The following DTWD1 variants were observed in gnomAD, a reference collection of about 807,000 sequenced individuals.
DTWD1 encodes the protein tRNA-uridine aminocarboxypropyltransferase 1.
In DTWD1, 27 loss-of-function variants were observed where a neutral mutation model predicts 30.2. The observed-to-expected ratio is 0.90, with a 90% confidence interval of 0.66 to 1.23. The LOEUF is 1.23. DTWD1 is among the 50% of genes most tolerant of loss of function. The probability of loss-of-function intolerance (pLI) is 0.00; values close to 1 mark genes in which losing one functional copy is unlikely to be tolerated. For synonymous variants in DTWD1, 99 were observed against 113.1 expected, an observed-to-expected ratio of 0.88 and a Z score of 0.79; for missense variants, 342 against 348.8, an observed-to-expected ratio of 0.98 and a Z score of 0.15.
intron 3 of DTWD1, among the ~76,000 whole-genome samples, chr15:49,633,349 T>C (rs2078957714): frequency 6.6e-6 from 1 of 152,122 alleles, no homozygotes; most frequent in Non-Finnish European, 1.5e-5. Flanking sequence ...TCAAGGTTTT[T>C]GCTTTTTAAG....
chr15:49,654,069 T>A lies in DTWD1; in HGVS notation c.*10491T>A, dbSNP rs550693015. Reference sequence around the variant, plus strand: ...TGCTTCCTGTTTCCTTGTCTCCTTTTTTGAATGATAGTCTCTGTGTGGTGT... The same window carrying A: ...TGCTTCCTGTTTCCTTGTCTCCTTTATTGAATGATAGTCTCTGTGTGGTGT... On this transcript the variant is annotated 3_prime_UTR_variant, in exon 5 of 5. Coordinates refer to ENST00000403028, the MANE Select transcript of DTWD1 (RefSeq NM_001144955.2). 6.6e-6 allele frequency: 1 copy of A among 152,194 alleles called. No homozygotes were observed. Among genetic ancestry groups the A allele is most frequent in the African/African-American group, 2.4e-5 (1 of 41,570 alleles). The allele number at this position is 152,194 out of a possible 1,614,324, so 9.4% of individuals were successfully genotyped here. A position where few individuals can be genotyped will look rare whatever the true frequency, so the allele number is the denominator to read the frequency against.
intron 3 of DTWD1, chr15:49,633,620 C>T (rs2078961616): frequency 1.1e-5 from 3 of 281,884 alleles, no homozygotes; most frequent in Non-Finnish European, 2.1e-5. Context: ...CAGGTATGAG[C>T]CACTGTGCCC....
rs2079103437 is a variant in DTWD1, at chr15:49,644,617, A to T, written c.*1039A>T. ...AGAGGAAAATGAAATGATGTTATTT[A>T]TTTCCCTGGCTCCTTTCCTGCCATG... On this transcript the variant is annotated 3_prime_UTR_variant, in exon 5 of 5. Transcript: ENST00000403028. 6.6e-6 allele frequency: 1 copy of T among 152,096 alleles called. No individual in the cohort carries two copies. The allele number at this position is 152,096 out of a possible 1,614,324, so 9.4% of individuals were successfully genotyped here.
At position 49,643,664 on chromosome 15, in the gene DTWD1, T is replaced by C; in HGVS notation, c.*86T>C. The C allele has an allele frequency of 1.4e-6, 2 of 1,406,392 alleles. No individual in the cohort carries two copies. The highest frequency in any genetic ancestry group is 1.9e-6 in the Non-Finnish European group (2 of 1,046,860). The allele number at this position is 1,406,392 out of a possible 1,614,324, so 87.1% of individuals were successfully genotyped here. On this transcript the variant is annotated 3_prime_UTR_variant, in exon 5 of 5. Coordinates refer to ENST00000403028, the MANE Select transcript of DTWD1 (RefSeq NM_001144955.2). ...TTTGTTTTTTCTTAAGAAATAATCA[T>C]ATATAATGCCTGTAAGACCATTTGA...
rs901617785 is a variant in DTWD1 at position 49,650,572 on chromosome 15, T to G, written c.*6994T>G. 6 of 152,164 alleles carry G rather than the reference T, an allele frequency of 3.9e-5. No homozygotes were observed. The highest frequency in any genetic ancestry group is 6.5e-5 in the Admixed American group (1 of 15,276). 9.4% of individuals were successfully genotyped at this position (152,164 alleles called of 1,614,324 possible). On this transcript the variant is annotated 3_prime_UTR_variant, in exon 5 of 5. Transcript: ENST00000403028. ...CCTATATCCCCCTTCTAGGAAGGAC[T>G]TGCTAATTAGCTGCAGGGAGTGTGA...
chr15:49,629,387 T>G (rs2078888766), intron 2 of DTWD1, among the ~76,000 whole-genome samples: 1 of 152,182 alleles, frequency 6.6e-6, no homozygotes. Flanking sequence ...ATAAAATTTG[T>G]CAATAACACT....
chr15:49,627,477 G>T (rs1437333677), intron 2 of DTWD1, among the ~76,000 whole-genome samples: 4 of 152,148 alleles, frequency 2.6e-5, no homozygotes, highest in Non-Finnish European at 5.9e-5. Flanking sequence ...GTCTCCTAAT[G>T]ACAGGGATAC....
chr15:49,632,367 C>T (rs2078933837), intron 3 of DTWD1, 65 bp downstream of exon 3: 2 of 1,415,736 alleles, frequency 1.4e-6, no homozygotes, highest in South Asian at 1.3e-5. Context: ...CCTCCATTGC[C>T]TTTCTGAACT....
chr15:49,636,069 G>C (rs1211335801), intron 4 of DTWD1, among the ~76,000 whole-genome samples: 1 of 151,942 alleles, frequency 6.6e-6, no homozygotes, highest in Admixed American at 6.6e-5. Flanking sequence ...CATTTTCTGG[G>C]ATATTATAGA....
At chr15:49,626,723 C>T (rs768018784) in intron 2 of DTWD1, 15 of 438,602 alleles carry the variant, frequency 3.4e-5, no homozygotes, top group Non-Finnish European at 6.0e-5. Flanking sequence ...CTTTGACACT[C>T]ATATTTTATT....
At chr15:49,641,933 C>A (rs73406085) in intron 4 of DTWD1, among the ~76,000 whole-genome samples, 3 of 151,860 alleles carry the variant, frequency 2.0e-5, no homozygotes, top group Non-Finnish European at 4.4e-5. Flanking sequence ...TTATCCTGCT[C>A]GAGACACATG....
At chr15:49,627,090 A>C (rs1458911942) in intron 2 of DTWD1, among the ~76,000 whole-genome samples, 2 of 152,084 alleles carry the variant, frequency 1.3e-5, no homozygotes. Flanking sequence ...ATAATCAGTA[A>C]TATAGTTACA....
At chr15:49,632,901 G>A (rs757345740) in intron 3 of DTWD1, among the ~76,000 whole-genome samples, 43 of 151,968 alleles carry the variant, frequency 2.8e-4, no homozygotes, top group Non-Finnish European at 5.0e-4. Context: ...TTAAGGCCTT[G>A]GGTACTGAAA....
intron 1 of DTWD1, chr15:49,623,779 T>G (rs1387294977): frequency 2.0e-5 from 3 of 152,154 alleles, no homozygotes; most frequent in Non-Finnish European, 4.4e-5. Context: ...ATCACAAAGA[T>G]CAAAGCCATT....
intron 2 of DTWD1, chr15:49,630,908 C>G (rs775396800): frequency 5.2e-5 from 16 of 307,286 alleles, no homozygotes; most frequent in Non-Finnish European, 1.0e-4. Context: ...GAGCATGAAC[C>G]CTATTGTGAA....
rs915697202 is a variant in DTWD1 at position 49,646,740 on chromosome 15, C to T, written c.*3162C>T. 6.6e-6 allele frequency: 1 copy of T among 152,154 alleles called. No homozygotes were observed. The highest frequency in any genetic ancestry group is 6.6e-5 in the Admixed American group (1 of 15,256). The allele number at this position is 152,154 out of a possible 1,614,324, so 9.4% of individuals were successfully genotyped here. On this transcript the variant is annotated 3_prime_UTR_variant, in exon 5 of 5. Transcript: ENST00000403028. ...ACTTGCCACATGATTGGCAGTGTCT[C>T]TTCATGGCTTTTCATGAAACAGCAG...
In DTWD1 at chr15:49,652,385, TAATA is replaced by T. The variant is rs1027544832; in HGVS notation, c.*8811_*8814del. On this transcript the variant is annotated 3_prime_UTR_variant, in exon 5 of 5. Coordinates refer to ENST00000403028, the MANE Select transcript of DTWD1 (RefSeq NM_001144955.2). ...CCTGGTTACACAATCTGGGCAGAAG[TAATA>T]AATGTGGTGCCCAAGTGATAAACCT... 2.0e-4 allele frequency: 30 copies of T among 152,188 alleles called. No individual in the cohort carries two copies. The highest frequency in any genetic ancestry group is 7.2e-4 in the African/African-American group (30 of 41,536). 9.4% of individuals were successfully genotyped at this position (152,188 alleles called of 1,614,324 possible).
chr15:49,627,679 G>T (rs909090373), intron 2 of DTWD1, among the ~76,000 whole-genome samples: 5 of 152,132 alleles, frequency 3.3e-5, no homozygotes, highest in African/African-American at 4.8e-5. Flanking sequence ...ACACACAATG[G>T]TATTAGTGTA....
intron 3 of DTWD1, among the ~76,000 whole-genome samples, chr15:49,633,884 A>T (rs1251794228): frequency 6.6e-6 from 1 of 152,202 alleles, no homozygotes; most frequent in Non-Finnish European, 1.5e-5. Flanking sequence ...GAAAAGTGGT[A>T]TCATATTTAT....
Sources: allele counts gnomAD v4.1 joint callset (sites outside exome capture counted in the v4.1 genomes callset), GRCh38; gene constraint gnomAD v4.1.1; transcripts MANE v1.5; gene names NCBI Gene and HGNC (gene_info 2026-07-23, HGNC 2026-07-21).